LRRC4C: variants seen among roughly 807,000 people sequenced by gnomAD.
The protein encoded by LRRC4C is leucine rich repeat containing 4C.
Under a neutral mutation model 33.6 loss-of-function variants are expected in LRRC4C, and 5 were observed. The ratio of observed to expected loss-of-function variants is 0.15; its 90% CI spans 0.08 to 0.31. The LOEUF (loss-of-function observed/expected upper bound fraction) is 0.31, where lower values mean the gene tolerates loss of function less well. Ranked by LOEUF, LRRC4C falls within the 10% of genes least tolerant of loss-of-function variation. The pLI is 1.00. For synonymous variants in LRRC4C, 329 were observed against 302.0 expected (o/e 1.09, Z -0.93); for missense variants, 560 against 796.7 (o/e 0.70, Z 3.58).
At chr11:40,806,834 G>C (rs918927587) in intron 2 of LRRC4C, among the ~76,000 whole-genome samples, 5 of 152,042 alleles carry the variant, frequency 3.3e-5, no homozygotes, top group Non-Finnish European at 5.9e-5. Flanking sequence ...AGGAAGAAAG[G>C]CATATTCCTG....
intron 2 of LRRC4C, among the ~76,000 whole-genome samples, chr11:40,715,804 C>T (rs1359378057): frequency 6.6e-6 from 1 of 152,136 alleles, no homozygotes; most frequent in Admixed American, 6.6e-5. Context: ...GCCGGCGGAT[C>T]GCGTGAGGTC....
chr11:40,262,250 T>A (rs1276907675), intron 4 of LRRC4C, among the ~76,000 whole-genome samples: 1 of 151,954 alleles, frequency 6.6e-6, no homozygotes, highest in East Asian at 1.9e-4. Context: ...CACGGGTCAT[T>A]AGAGAAACGC....
intron 2 of LRRC4C, among the ~76,000 whole-genome samples, chr11:40,651,828 A>T (rs982312900): frequency 1.3e-5 from 2 of 152,134 alleles, no homozygotes; most frequent in African/African-American, 4.8e-5. Flanking sequence ...TTTTGCTTGC[A>T]TTTATGTATC....
At chr11:41,234,969 C>A (rs1947954294) in intron 1 of LRRC4C, among the ~76,000 whole-genome samples, 1 of 151,808 alleles carries the variant, frequency 6.6e-6, no homozygotes, top group East Asian at 1.9e-4. Flanking sequence ...AGCCTGGAGA[C>A]CCTGAAAATC....
At chr11:40,788,605 T>C (rs1398439419) in intron 2 of LRRC4C, among the ~76,000 whole-genome samples, 1 of 152,224 alleles carries the variant, frequency 6.6e-6, no homozygotes, top group African/African-American at 2.4e-5. Context: ...TTCTTTTTGT[T>C]GTCCCTCATT....
chr11:40,686,057 C>A (rs1163340164), intron 2 of LRRC4C, among the ~76,000 whole-genome samples: 2 of 151,796 alleles, frequency 1.3e-5, no homozygotes, highest in Admixed American at 6.6e-5. Flanking sequence ...CTTTTTTCAA[C>A]CTCATCATAT....
chr11:41,297,922 A>T (rs1171854915), intron 1 of LRRC4C, among the ~76,000 whole-genome samples: 1 of 152,304 alleles, frequency 6.6e-6, no homozygotes, highest in East Asian at 1.9e-4. Flanking sequence ...TATTACTTTT[A>T]ATTTTTAATA....
At chr11:40,350,459 T>A (rs530139067) in intron 3 of LRRC4C, among the ~76,000 whole-genome samples, 1 of 152,222 alleles carries the variant, frequency 6.6e-6, no homozygotes, top group African/African-American at 2.4e-5. Context: ...ATGTGTCTGT[T>A]TTTATGCCAG....
At chr11:41,370,873 A>G (rs750223943) in intron 1 of LRRC4C, among the ~76,000 whole-genome samples, 20 of 152,086 alleles carry the variant, frequency 1.3e-4, no homozygotes, top group Non-Finnish European at 1.2e-4. Context: ...ACACAAATAC[A>G]TTTTATGTGG....
intron 2 of LRRC4C, among the ~76,000 whole-genome samples, chr11:40,810,608 C>T (rs878975509): frequency 2.0e-5 from 3 of 152,108 alleles, no homozygotes; most frequent in Admixed American, 6.6e-5. Context: ...TATCTTACCT[C>T]CCATTTCTGC....
chr11:40,200,180 TAAAAAAAAAAAAAAAAAAAAA>T (rs56269292), intron 5 of LRRC4C, among the ~76,000 whole-genome samples: 1 of 26,030 alleles, frequency 3.8e-5, no homozygotes, highest in Non-Finnish European at 7.0e-5. Flanking sequence ...CTGTCTCCAC[TAAAAAAAAAAAAAAAAAAAAA>T]AAAAAAAAAA....
At chr11:40,720,289 T>C (rs1359559016) in intron 2 of LRRC4C, among the ~76,000 whole-genome samples, 1 of 152,230 alleles carries the variant, frequency 6.6e-6, no homozygotes, top group Non-Finnish European at 1.5e-5. Context: ...TAGGCATCTT[T>C]CTTTTATTTC....
intron 2 of LRRC4C, among the ~76,000 whole-genome samples, chr11:40,719,588 C>T (rs1946906669): frequency 6.6e-6 from 1 of 152,140 alleles, no homozygotes; most frequent in South Asian, 2.1e-4. Flanking sequence ...GAAAATTCTA[C>T]TACTGAGGAT....
intron 1 of LRRC4C, among the ~76,000 whole-genome samples, chr11:41,390,380 G>T (rs1953542683): frequency 6.6e-6 from 1 of 151,730 alleles, no homozygotes. Context: ...GAGAAGAGAG[G>T]CACTGTCTTA....
At position 41,048,260 on chromosome 11, in the gene LRRC4C, CTTTT is replaced by C. The variant is rs35599405; in HGVS notation, c.-495-114541_-495-114538del. ...TAAGATTTTCAGTTTAGATTCTTTA[CTTTT>C]TTTTTTTTTTTTTTTTTGGAGATAG... On this transcript the variant is annotated intron_variant, in intron 1 of 6. Transcript: ENST00000528697. 1.9e-4 allele frequency among the ~76,000 whole-genome samples: 20 copies of C among 107,062 alleles called. No homozygotes were observed. In the South Asian group the frequency reaches 3.6e-3, roughly 19 times the overall value. The allele number at this position is 107,062 out of a possible 152,430, so 70.2% of individuals were successfully genotyped here.
At chr11:40,701,428 G>A (rs1945857573) in intron 2 of LRRC4C, among the ~76,000 whole-genome samples, 1 of 151,762 alleles carries the variant, frequency 6.6e-6, no homozygotes, top group South Asian at 2.1e-4. Flanking sequence ...CGTATTTGCA[G>A]CACATCCAGT....
At chr11:40,196,714 C>T (rs567865140) in intron 5 of LRRC4C, among the ~76,000 whole-genome samples, 1 of 152,300 alleles carries the variant, frequency 6.6e-6, no homozygotes, top group East Asian at 1.9e-4. Flanking sequence ...AGATAATGAA[C>T]ATGGGCTCTA....
intron 1 of LRRC4C, among the ~76,000 whole-genome samples, chr11:41,265,709 G>C (rs956423790): frequency 1.3e-5 from 2 of 152,034 alleles, no homozygotes; most frequent in African/African-American, 4.8e-5. Context: ...CTTCAAGTCA[G>C]TGTGGGGATC....
At chr11:41,325,750 C>A (rs1269472689) in intron 1 of LRRC4C, among the ~76,000 whole-genome samples, 1 of 152,020 alleles carries the variant, frequency 6.6e-6, no homozygotes, top group Non-Finnish European at 1.5e-5. Flanking sequence ...TTAGTCAGAG[C>A]TCCAGATACA....
Sources: gnomAD v4.1 joint callset for allele counts (sites outside exome capture counted in the v4.1 genomes callset) on GRCh38, gnomAD v4.1.1 for gene constraint, MANE v1.5 for transcripts, NCBI Gene and HGNC (gene_info 2026-07-23, HGNC 2026-07-21) for gene names.